IL1RAPL2: variants seen among roughly 807,000 people sequenced by gnomAD.
The protein encoded by IL1RAPL2 is interleukin 1 receptor accessory protein like 2.
In IL1RAPL2, 3 loss-of-function variants were observed where a neutral mutation model predicts 44.1. The ratio of observed to expected loss-of-function variants is 0.07; its 90% confidence interval spans 0.03 to 0.18. The LOEUF (loss-of-function observed/expected upper bound fraction) is 0.18. Ranked by LOEUF, IL1RAPL2 falls within the 10% of genes least tolerant of loss-of-function variation. The pLI, the probability that IL1RAPL2 is intolerant of heterozygous loss-of-function variation, is 1.00. For missense variants in IL1RAPL2, 391 were observed against 496.4 expected (o/e 0.79, Z 2.02); for synonymous variants, 181 against 178.8 (o/e 1.01, Z -0.10).
At chrX:105,322,734 CT>C (rs1320871380) in intron 5 of IL1RAPL2, among the ~76,000 whole-genome samples, 1 of 111,611 alleles carries the variant, frequency 9.0e-6, no homozygotes, top group Non-Finnish European at 1.9e-5. Flanking sequence ...TGGGTAGTCT[CT>C]TTTTTTGGTA....
At chrX:105,094,921 A>T (rs2032586922) in intron 2 of IL1RAPL2, among the ~76,000 whole-genome samples, 1 of 110,949 alleles carries the variant, frequency 9.0e-6, no homozygotes, top group African/African-American at 3.3e-5. Flanking sequence ...ATTCCTAAGT[A>T]TTTTTTTCAT....
chrX:105,180,584 T>C (rs1268912290), intron 2 of IL1RAPL2, among the ~76,000 whole-genome samples: 1 of 111,782 alleles, frequency 8.9e-6, no homozygotes, highest in African/African-American at 3.3e-5. Flanking sequence ...TTTTCTGCAT[T>C]TATTGAGACA....
intron 2 of IL1RAPL2, among the ~76,000 whole-genome samples, chrX:104,918,487 T>C (rs1384965203): frequency 6.2e-5 from 7 of 112,169 alleles, no homozygotes; most frequent in Admixed American, 5.7e-4. Context: ...GGGGTTACAT[T>C]AACACACTAT....
At chrX:105,570,104 T>C (rs2037003897) in intron 6 of IL1RAPL2, among the ~76,000 whole-genome samples, 1 of 111,479 alleles carries the variant, frequency 9.0e-6, no homozygotes, top group Non-Finnish European at 1.9e-5. Context: ...CTTGTAGTCT[T>C]TTATCCCTCG....
intron 6 of IL1RAPL2, among the ~76,000 whole-genome samples, chrX:105,580,569 G>A (rs1051097417): frequency 6.3e-5 from 7 of 110,826 alleles, no homozygotes; most frequent in East Asian, 2.9e-4. Context: ...AGAATAGCCC[G>A]AATTCTAAGA....
At chrX:105,463,160 A>C (rs1398907996) in intron 5 of IL1RAPL2, among the ~76,000 whole-genome samples, 1 of 111,453 alleles carries the variant, frequency 9.0e-6, no homozygotes. Flanking sequence ...CTTCTATGGA[A>C]TGGGTGAGTC....
intron 2 of IL1RAPL2, among the ~76,000 whole-genome samples, chrX:104,682,859 A>G (rs1569296539): frequency 8.9e-6 from 1 of 111,861 alleles, no homozygotes; most frequent in Non-Finnish European, 1.9e-5. Flanking sequence ...CTATAAACAT[A>G]TATGTAAAGA....
intron 1 of IL1RAPL2, among the ~76,000 whole-genome samples, chrX:104,620,569 G>A (rs1344727097): frequency 1.0e-5 from 1 of 95,736 alleles, no homozygotes; most frequent in African/African-American, 3.9e-5. Context: ...GAGCCTGGGA[G>A]GCAGAGCTTG....
chrX:105,160,834 A>C (rs147916558), intron 2 of IL1RAPL2, among the ~76,000 whole-genome samples: 40 of 112,250 alleles, frequency 3.6e-4, no homozygotes, highest in African/African-American at 1.3e-3. Context: ...ACAAGGAAGA[A>C]AACTAAACAG....
At chrX:104,842,350 G>A (rs1223091361) in intron 2 of IL1RAPL2, among the ~76,000 whole-genome samples, 1 of 110,715 alleles carries the variant, frequency 9.0e-6, no homozygotes, top group African/African-American at 3.3e-5. Context: ...CTTTAGCTCA[G>A]AGGAGTTTAT....
At chrX:104,712,323 T>C (rs1055543894) in intron 2 of IL1RAPL2, among the ~76,000 whole-genome samples, 9 of 110,618 alleles carry the variant, frequency 8.1e-5, no homozygotes, top group Non-Finnish European at 1.1e-4. Flanking sequence ...GGGAATAAAT[T>C]GATGGTTAAT....
chrX:104,905,191 T>C (rs1205662510), intron 2 of IL1RAPL2, among the ~76,000 whole-genome samples: 2 of 112,056 alleles, frequency 1.8e-5, no homozygotes, highest in African/African-American at 6.5e-5. Flanking sequence ...TCATTGTAGA[T>C]TCTGGATATT....
chrX:105,555,081 T>C (rs954600797), intron 6 of IL1RAPL2, among the ~76,000 whole-genome samples: 1 of 109,702 alleles, frequency 9.1e-6, no homozygotes, highest in African/African-American at 3.3e-5. Flanking sequence ...TAGTTGTTTT[T>C]TTTTTTTTTT....
chrX:105,240,043 G>A (rs1302147835), intron 4 of IL1RAPL2, among the ~76,000 whole-genome samples: 2 of 112,081 alleles, frequency 1.8e-5, no homozygotes, highest in Non-Finnish European at 3.8e-5. Flanking sequence ...CCAGGAATAC[G>A]GGTTTGACAA....
At chrX:104,840,457 A>G (rs1921870702) in intron 2 of IL1RAPL2, among the ~76,000 whole-genome samples, 1 of 111,282 alleles carries the variant, frequency 9.0e-6, no homozygotes, top group Non-Finnish European at 1.9e-5. Flanking sequence ...GTTCTTTTGC[A>G]TTTGCTGAGG....
At chrX:105,236,359 T>C (rs1411933497) in intron 4 of IL1RAPL2, among the ~76,000 whole-genome samples, 1 of 112,616 alleles carries the variant, frequency 8.9e-6, no homozygotes, top group African/African-American at 3.2e-5. Context: ...GGATAATATT[T>C]AATATTTCTA....
intron 2 of IL1RAPL2, among the ~76,000 whole-genome samples, chrX:105,103,883 C>A (rs758418393): frequency 9.0e-6 from 1 of 111,637 alleles, no homozygotes; most frequent in Non-Finnish European, 1.9e-5. Flanking sequence ...AAAGGGTGTT[C>A]CTGGTCCCAT....
chrX:105,154,286 AAG>A (rs1238818712), intron 2 of IL1RAPL2, among the ~76,000 whole-genome samples: 2 of 111,286 alleles, frequency 1.8e-5, no homozygotes, highest in Admixed American at 9.5e-5. Context: ...CCCCTTGGCT[AAG>A]AGAGGGATCC....
chrX:105,162,642 C>T (rs1210799235), intron 2 of IL1RAPL2, among the ~76,000 whole-genome samples: 3 of 112,258 alleles, frequency 2.7e-5, no homozygotes, highest in Non-Finnish European at 3.8e-5. Flanking sequence ...CACGCACTTA[C>T]GTACACATAC....
Sources: allele counts gnomAD v4.1 joint callset (sites outside exome capture counted in the v4.1 genomes callset), GRCh38; gene constraint gnomAD v4.1.1; transcripts MANE v1.5; gene names NCBI Gene and HGNC (gene_info 2026-07-23, HGNC 2026-07-21).